Variants in TMCC3 observed in about 807,000 individuals in gnomAD.
TMCC3 encodes the protein transmembrane and coiled-coil domain protein 3.
TMCC3 carries 28 observed loss-of-function variants against 40.2 expected under a neutral mutation model. That is an observed-to-expected ratio of 0.70 (90% CI 0.52 to 0.95). TMCC3 has a LOEUF of 0.95. Ranked by LOEUF, TMCC3 falls within the 40% of genes least tolerant of loss-of-function variation. TMCC3 has a pLI of 0.00. For missense variants in TMCC3, 554 were observed against 615.2 expected (o/e 0.90, Z 1.05); for synonymous variants, 255 against 248.5 (o/e 1.03, Z -0.25).
rs755215632 is a variant in TMCC3, at chr12:94,593,428, AAGAAGGAGAAGG to A, written c.79-10902_79-10891del. 1.4e-4 allele frequency among the ~76,000 whole-genome samples: 8 copies of A among 56,322 alleles called. 2 individuals are homozygous for A. Among genetic ancestry groups the A allele is most frequent in the East Asian group, 1.2e-3 (3 of 2,490 alleles). The allele number at this position is 56,322 out of a possible 152,430, so 36.9% of individuals were successfully genotyped here. The stretch of plus-strand genomic sequence containing the variant: ...AGAAGAAGGAAGAAGAAGAAGGAAG[AAGAAGGAGAAGG>A]AGAAGGAGAAGGAGAAGAAGAAGAA... On this transcript the variant is annotated intron_variant, in intron 1 of 3. Transcript: ENST00000261226.
At chr12:94,601,466 C>T (rs139747645) in intron 1 of TMCC3, among the ~76,000 whole-genome samples, 116 of 152,084 alleles carry the variant, frequency 7.6e-4, no homozygotes, top group African/African-American at 2.5e-3. Context: ...TGCAGTGACC[C>T]GAGATCATGC....
chr12:94,618,894 G>T (rs2068860857), intron 1 of TMCC3, among the ~76,000 whole-genome samples: 1 of 152,092 alleles, frequency 6.6e-6, no homozygotes, highest in Non-Finnish European at 1.5e-5. Flanking sequence ...TTTTTGTCGT[G>T]TCTACAAGAT....
chr12:94,604,457 T>C (rs2068770463), intron 1 of TMCC3, among the ~76,000 whole-genome samples: 2 of 151,974 alleles, frequency 1.3e-5, no homozygotes, highest in Admixed American at 1.3e-4. Context: ...CAGAGAAATA[T>C]GATAAGCTCT....
intron 1 of TMCC3, among the ~76,000 whole-genome samples, chr12:94,615,507 G>A (rs528429009): frequency 1.3e-5 from 2 of 152,156 alleles, no homozygotes; most frequent in African/African-American, 4.8e-5. Flanking sequence ...CCCACTTGTC[G>A]AAAGACTAGA....
intron 1 of TMCC3, among the ~76,000 whole-genome samples, chr12:94,590,410 A>G (rs958909093): frequency 2.6e-5 from 4 of 152,128 alleles, no homozygotes; most frequent in African/African-American, 9.7e-5. Context: ...ATGAAGATAA[A>G]AAAGCTTACT....
chr12:94,625,674 C>T (rs1360648198), intron 1 of TMCC3, among the ~76,000 whole-genome samples: 1 of 151,418 alleles, frequency 6.6e-6, no homozygotes, highest in Non-Finnish European at 1.5e-5. Flanking sequence ...TGTCACCACA[C>T]ACAATTTTTC....
chr12:94,578,425 T>C lies in TMCC3; in HGVS notation c.1100A>G (p.Tyr367Cys). The change falls in exon 3 of 4, where the codon TAC (tyrosine) becomes TGC (cysteine). Residue 367 changes from tyrosine (Y) to cysteine (C), a missense_variant. Tyr to Cys is a radical substitution (Grantham distance 194, BLOSUM62 -2). Coordinates refer to ENST00000261226, the MANE Select transcript of TMCC3 (RefSeq NM_020698.4). ...GTCCCGCGAGCGCTCGTAGGCCTGG[T>C]AGGCCACCTTCTCCTCAATGCTGGC... Reference protein sequence around the residue: ...ELASIEEKVAYQAYERSRDIQ... With the variant: ...ELASIEEKVACQAYERSRDIQ... 6.2e-7 allele frequency: 1 copy of C among 1,614,096 alleles called. No individual in the cohort carries two copies. The highest frequency in any genetic ancestry group is 1.1e-5 in the South Asian group (1 of 91,084).
In TMCC3 at chr12:94,581,629, T is replaced by G. The variant is rs2068601880; in HGVS notation, c.988A>C (p.Arg330=). 6.6e-7 allele frequency: 1 copy of G among 1,517,500 alleles called. No homozygotes were observed. Among genetic ancestry groups the G allele is most frequent in the Non-Finnish European group, 8.9e-7 (1 of 1,125,842 alleles). The allele number at this position is 1,517,500 out of a possible 1,614,324, so 94.0% of individuals were successfully genotyped here. ...GFISQTLQEE[R]YRYERLEDQL... ...TGGAATACTTTGAAATACCTGTATC[T>G]TTCCTCTTGCAGGGTCTGAGAAATA... Residue 330 remains arginine, a synonymous_variant, in exon 2 of 4, where the codon AGA becomes CGA. Coordinates refer to ENST00000261226, the MANE Select transcript of TMCC3 (RefSeq NM_020698.4).
At chr12:94,601,670 T>C (rs1418911286) in intron 1 of TMCC3, among the ~76,000 whole-genome samples, 1 of 151,616 alleles carries the variant, frequency 6.6e-6, no homozygotes, top group Non-Finnish European at 1.5e-5. Flanking sequence ...TGGCTGAGCA[T>C]GGTGGTGCAC....
In TMCC3 at chr12:94,582,311, G is replaced by T. The variant is rs144103900; in HGVS notation, c.306C>A (p.Asn102Lys). Residue 102 changes from asparagine to lysine, a missense_variant, in exon 2 of 4, where the codon AAC becomes AAA. Physicochemically the swap from Asn to Lys is moderately conservative, Grantham distance 94. Coordinates refer to ENST00000261226, the MANE Select transcript of TMCC3 (RefSeq NM_020698.4). ...TACGTCCCGCCTGCTGCTTGTCTGCGTTGTTCACTAGTTTCAGATACTCCG... is the reference window on the plus strand; with the variant it reads ...TACGTCCCGCCTGCTGCTTGTCTGCTTTGTTCACTAGTTTCAGATACTCCG... ...NVAEYLKLVN[N>K]ADKQQAGRIK... The T allele has an allele frequency of 6.2e-7, 1 of 1,613,882 alleles. No individual in the cohort carries two copies. Among genetic ancestry groups the T allele is most frequent in the South Asian group, 1.1e-5 (1 of 91,076 alleles).
rs553622940 is a variant in TMCC3, at chr12:94,579,948, G to A, written c.996-1419C>T. On this transcript the variant is annotated intron_variant, in intron 2 of 3. Coordinates refer to ENST00000261226, the MANE Select transcript of TMCC3 (RefSeq NM_020698.4). ...CGATAGAACTGACGTTCATACTCTG[G>A]AAAAGCTGTGACTTAAAATATAATT... Among the ~76,000 whole-genome samples, 4 of 152,274 alleles carry A rather than the reference G, an allele frequency of 2.6e-5. No homozygotes were observed. In the East Asian group the frequency reaches 7.7e-4, roughly 29 times the overall value.
At chr12:94,641,848 T>C (rs2068992809) in intron 1 of TMCC3, among the ~76,000 whole-genome samples, 2 of 151,936 alleles carry the variant, frequency 1.3e-5, no homozygotes, top group Admixed American at 6.6e-5. Flanking sequence ...GGTCAGGACA[T>C]GGATGAACTC....
chr12:94,592,661 CAAAAAAA>C lies in TMCC3; in HGVS notation c.79-10130_79-10124del, dbSNP rs869058316. Among the ~76,000 whole-genome samples, 13 of 27,506 alleles carry C rather than the reference CAAAAAAA, an allele frequency of 4.7e-4. 1 individual carries two copies. The highest frequency in any genetic ancestry group is 8.1e-4 in the Non-Finnish European group (12 of 14,726). The allele number at this position is 27,506 out of a possible 152,430, so 18.0% of individuals were successfully genotyped here. ...TGAGCCTGGACAACAGGCTCCATCT[CAAAAAAA>C]AAAAAAAAAAAAAAATTCTATTTCC... On this transcript the variant is annotated intron_variant, in intron 1 of 3. Coordinates refer to ENST00000261226, the MANE Select transcript of TMCC3 (RefSeq NM_020698.4).
At position 94,588,909 on chromosome 12, in the gene TMCC3, C is replaced by T. The variant is rs555045450; in HGVS notation, c.79-6371G>A. Among the ~76,000 whole-genome samples the T allele has an allele frequency of 2.0e-5, 3 of 151,930 alleles. No individual in the cohort carries two copies. The East Asian group carries it at 5.8e-4, about 29-fold the overall frequency. ...TGCAATCTCGGCTCACTGCAACCTCCACCTCCTGGGTTCAAGTGATTCTCC... is the reference window on the plus strand; with the variant it reads ...TGCAATCTCGGCTCACTGCAACCTCTACCTCCTGGGTTCAAGTGATTCTCC... On this transcript the variant is annotated intron_variant, in intron 1 of 3. Coordinates refer to ENST00000261226, the MANE Select transcript of TMCC3 (RefSeq NM_020698.4).
At chr12:94,575,900 G>A (rs891759878) in intron 3 of TMCC3, among the ~76,000 whole-genome samples, 4 of 151,852 alleles carry the variant, frequency 2.6e-5, no homozygotes, top group African/African-American at 7.3e-5. Flanking sequence ...CTCCCTCGTC[G>A]GCCTCTCAAG....
chr12:94,644,850 C>A (rs967315087), intron 1 of TMCC3, among the ~76,000 whole-genome samples: 2 of 152,192 alleles, frequency 1.3e-5, no homozygotes, highest in African/African-American at 4.8e-5. Flanking sequence ...AGGGCTACAG[C>A]ATCCTCTTCT....
intron 1 of TMCC3, among the ~76,000 whole-genome samples, chr12:94,636,828 C>T (rs2068963507): frequency 6.6e-6 from 1 of 152,238 alleles, no homozygotes; most frequent in South Asian, 2.1e-4. Flanking sequence ...GAAACCTAAT[C>T]TTGTAAATAT....
At chr12:94,615,399 C>T (rs1176417850) in intron 1 of TMCC3, among the ~76,000 whole-genome samples, 1 of 152,228 alleles carries the variant, frequency 6.6e-6, no homozygotes, top group African/African-American at 2.4e-5. Context: ...GAGGCAGCCA[C>T]CACACCCTTC....
intron 3 of TMCC3, among the ~76,000 whole-genome samples, chr12:94,573,492 C>A (rs1406211588): frequency 6.6e-6 from 1 of 152,220 alleles, no homozygotes; most frequent in Non-Finnish European, 1.5e-5. Flanking sequence ...TGAGGCCTTG[C>A]AAGGCCAGGT....
Sources: allele counts gnomAD v4.1 joint callset (sites outside exome capture counted in the v4.1 genomes callset), GRCh38; gene constraint gnomAD v4.1.1; transcripts MANE v1.5; gene names NCBI Gene and HGNC (gene_info 2026-07-23, HGNC 2026-07-21).